Variants in NPHP3 observed in about 807,000 individuals in gnomAD.
The protein encoded by NPHP3 is nephrocystin-3.
A neutral mutation model predicts 171.9 loss-of-function variants in NPHP3; 123 were observed. The ratio of observed to expected loss-of-function variants is 0.72; its 90% CI spans 0.62 to 0.83. NPHP3 has a LOEUF of 0.83. Among genes scored for constraint, NPHP3 ranks in the 40% least tolerant of loss-of-function variants. NPHP3 has a pLI of 0.00. For missense variants in NPHP3, 1,506 were observed against 1,591.9 expected, an observed-to-expected ratio of 0.95 and a Z score of 0.92; for synonymous variants, 558 against 579.2, an observed-to-expected ratio of 0.96 and a Z score of 0.52.
chr3:132,690,612 G>A lies in NPHP3; in HGVS notation c.2609C>T (p.Pro870Leu), dbSNP rs760985343. 7 of 1,613,686 alleles carry A rather than the reference G, an allele frequency of 4.3e-6. No individual in the cohort carries two copies. Among genetic ancestry groups the A allele is most frequent in the Admixed American group, 3.3e-5 (2 of 60,004 alleles). The change falls in exon 19 of 27, where the codon CCG becomes CTG. Residue 870 changes from proline (P) to leucine (L), a missense_variant. Pro to Leu is a moderately conservative substitution (Grantham distance 98). This residue lies in a region of NPHP3 where 569 missense variants were observed against 648.1 expected (regional missense o/e 0.88). Transcript: ENST00000337331. ...ACTTCCCTGCTGCTGAAAAAGCCAC[G>A]GGAGTTCATCTGCACTTCTCCAAGT... ...RVTWRSADEL[P>L]WLFQQQGSKQ... is the part of the protein sequence containing the mutation.
At chr3:132,687,341 T>A in intron 21 of NPHP3, 115 bp from the exon 22 acceptor site, 1 of 596,782 alleles carries the variant, frequency 1.7e-6, no homozygotes. Flanking sequence ...AAATACAGCA[T>A]TTTTTCTAGA....
At position 132,717,628 on chromosome 3, in the gene NPHP3, G is replaced by A. The variant is rs187363266; in HGVS notation, c.671-719C>T. On this transcript the variant is annotated intron_variant, in intron 3 of 26. Coordinates refer to ENST00000337331, the MANE Select transcript of NPHP3 (RefSeq NM_153240.5). ...CTAGAAAGGAATTTGTTTCTAACTT[G>A]CCAAGACAATTACAATAGTTTTGAA... 3.3e-5 allele frequency among the ~76,000 whole-genome samples: 5 copies of A among 152,090 alleles called. No homozygotes were observed. The East Asian group carries it at 9.7e-4, about 29-fold the overall frequency.
intron 3 of NPHP3, 111 bp from the exon 4 acceptor site, chr3:132,717,020 A>C: frequency 8.6e-7 from 1 of 1,168,722 alleles, no homozygotes; most frequent in Non-Finnish European, 1.2e-6. Context: ...AAATATTACA[A>C]ATATTCAAAT....
intron 23 of NPHP3, 125 bp downstream of exon 23, chr3:132,686,135 T>C (rs1939155792): frequency 2.5e-5 from 23 of 926,538 alleles, no homozygotes; most frequent in Non-Finnish European, 4.0e-5. Flanking sequence ...TATAACATCA[T>C]ACATGAAATT....
At chr3:132,699,735 T>C (rs1467861036) in intron 12 of NPHP3, among the ~76,000 whole-genome samples, 183 bp downstream of exon 12, 1 of 152,124 alleles carries the variant, frequency 6.6e-6, no homozygotes, top group Non-Finnish European at 1.5e-5. Context: ...CTTAATAAGA[T>C]ATTAGTGTCT....
Position 132,708,116 on chromosome 3 carries a change from C to A in NPHP3, c.1260G>T (p.Lys420Asn). 6.2e-7 allele frequency: 1 copy of A among 1,614,166 alleles called. No homozygotes were observed. The highest frequency in any genetic ancestry group is 8.5e-7 in the Non-Finnish European group (1 of 1,180,024). Reference protein sequence around the residue: ...QLIDQVSNLNKTSKAKIIDHS... With the variant: ...QLIDQVSNLNNTSKAKIIDHS... ...TGAATTTTACCTTGGCTTTGCTGGTCTTGTTTAGATTAGAAACTTGATCAA... is the reference window on the plus strand; with the variant it reads ...TGAATTTTACCTTGGCTTTGCTGGTATTGTTTAGATTAGAAACTTGATCAA... Residue 420 changes from lysine to asparagine, a missense_variant, in exon 7 of 27, where the codon AAG becomes AAT. Transcript: ENST00000337331.
At chr3:132,688,584 T>C (rs1939219411) in intron 21 of NPHP3, 66 bp downstream of exon 21, 1 of 1,552,494 alleles carries the variant, frequency 6.4e-7, no homozygotes, top group Non-Finnish European at 8.9e-7. Context: ...AAGCTTACCC[T>C]ATAAGTACAC....
In NPHP3 at chr3:132,708,231, G is replaced by C. The variant is rs768952966; in HGVS notation, c.1145C>G (p.Ala382Gly). The change falls in exon 7 of 27, where the codon GCT becomes GGT. Residue 382 changes from alanine to glycine, a missense_variant. This residue lies in a region of NPHP3 where 930 missense variants were observed against 924.9 expected (regional missense o/e 1.01). Transcript: ENST00000337331. ...TTTTCCTTCAGGGTTTTTCAGAAAA[G>C]CTTCTTCACAGTCTTCCAATAAAAG... ...PSLLLEDCEE[A>G]FLKNPEGKPR... 1.9e-6 allele frequency: 3 copies of C among 1,614,150 alleles called. No homozygotes were observed. The highest frequency in any genetic ancestry group is 3.3e-5 in the Admixed American group (2 of 60,026).
intron 6 of NPHP3, among the ~76,000 whole-genome samples, chr3:132,712,734 C>G (rs946065670): frequency 6.6e-6 from 1 of 151,812 alleles, no homozygotes; most frequent in African/African-American, 2.4e-5. Flanking sequence ...CCACTGCACT[C>G]CAGCCTGGAC....
At position 132,688,796 on chromosome 3, in the gene NPHP3, A is replaced by G; in HGVS notation, c.2979T>C (p.Ser993=). ...RVAQSLHQLA[S]VYVQWKKFGN... is the part of the protein sequence containing the mutation. ...CAAACTTCTTCCACTGCACGTATAC[A>G]CTTGCTAGTTGGTGGAGGGACTGGG... is the stretch of plus-strand genomic sequence containing the variant. The change falls in exon 21 of 27, where the codon AGT becomes AGC. Residue 993 remains serine (S), a synonymous_variant. Coordinates refer to ENST00000337331, the MANE Select transcript of NPHP3 (RefSeq NM_153240.5). 1 of 1,614,058 alleles carries G rather than the reference A, an allele frequency of 6.2e-7. No individual in the cohort carries two copies. The highest frequency in any genetic ancestry group is 8.5e-7 in the Non-Finnish European group (1 of 1,179,990).
chr3:132,692,230 C>T (rs1241156849), intron 17 of NPHP3, among the ~76,000 whole-genome samples: 2 of 152,176 alleles, frequency 1.3e-5, no homozygotes, highest in African/African-American at 4.8e-5. Flanking sequence ...TGTAAGTACG[C>T]TCTACAATGC....
intron 24 of NPHP3, among the ~76,000 whole-genome samples, chr3:132,684,291 G>C (rs1340388512): frequency 6.6e-6 from 1 of 152,158 alleles, no homozygotes; most frequent in Non-Finnish European, 1.5e-5. Context: ...AAATGCATTT[G>C]TACTTGGAAT....
chr3:132,695,062 A>G (rs1939418279), intron 15 of NPHP3, 97 bp from the exon 16 acceptor site: 6 of 1,105,558 alleles, frequency 5.4e-6, no homozygotes, highest in Non-Finnish European at 8.2e-6. Flanking sequence ...TATTTTTTGT[A>G]CTGCAACCAA....
At chr3:132,706,951 C>T (rs1473497838) in intron 7 of NPHP3, among the ~76,000 whole-genome samples, 1 of 152,126 alleles carries the variant, frequency 6.6e-6, no homozygotes, top group Non-Finnish European at 1.5e-5. Context: ...TGTCATGCTG[C>T]TCTCAAGCTA....
At chr3:132,710,110 G>C (rs964326156) in intron 6 of NPHP3, among the ~76,000 whole-genome samples, 1 of 152,200 alleles carries the variant, frequency 6.6e-6, no homozygotes, top group Non-Finnish European at 1.5e-5. Context: ...AATTGCTGAA[G>C]TTAGATAGTA....
At chr3:132,687,088 T>C (rs1939182073) in intron 22 of NPHP3, 63 bp downstream of exon 22, 2 of 789,178 alleles carry the variant, frequency 2.5e-6, no homozygotes, top group Non-Finnish European at 4.5e-6. Context: ...GTGGGGTGTA[T>C]GCATTTATGA....
At position 132,700,011 on chromosome 3, in the gene NPHP3, C is replaced by G. The variant is rs1224208728; in HGVS notation, c.1794G>C (p.Lys598Asn). ...SVSALTLDPA[K>N]LLEEFPRWLE... The stretch of plus-strand genomic sequence containing the variant: ...GCCAACGTGGAAATTCTTCCAGAAG[C>G]TTAGCAGGATCCAGTGTCAGAGCAG... Residue 598 changes from lysine to asparagine, a missense_variant, in exon 12 of 27, where the codon AAG (lysine) becomes AAC (asparagine). This residue lies in a region of NPHP3 where 930 missense variants were observed against 924.9 expected (regional missense o/e 1.01). Transcript: ENST00000337331. 5.0e-6 allele frequency: 8 copies of G among 1,614,102 alleles called. No individual in the cohort carries two copies. Among genetic ancestry groups the G allele is most frequent in the Admixed American group, 3.3e-5 (2 of 60,010 alleles).
intron 1 of NPHP3, among the ~76,000 whole-genome samples, chr3:132,720,367 T>C (rs544857581): frequency 1.3e-5 from 2 of 152,320 alleles, no homozygotes; most frequent in African/African-American, 4.8e-5. Context: ...GGAATCAGGA[T>C]TGGTGACATG....
At chr3:132,719,357 T>A (rs1940140836) in intron 2 of NPHP3, among the ~76,000 whole-genome samples, 1 of 152,174 alleles carries the variant, frequency 6.6e-6, no homozygotes. Flanking sequence ...GTGGTGTGGG[T>A]CTGTCATGTG....
Sources: allele counts gnomAD v4.1 joint callset (sites outside exome capture counted in the v4.1 genomes callset), GRCh38; gene constraint gnomAD v4.1.1; regional missense constraint gnomAD v4.1.1; transcripts MANE v1.5; gene names NCBI Gene and HGNC (gene_info 2026-07-23, HGNC 2026-07-21).